MGST1: variants seen among roughly 807,000 people sequenced by gnomAD.
MGST1 encodes the protein microsomal glutathione S-transferase 1.
Under a neutral mutation model 8.9 loss-of-function variants are expected in MGST1, and 5 were observed. That is an observed-to-expected ratio of 0.56 (90% CI 0.29 to 1.19). The LOEUF (loss-of-function observed/expected upper bound fraction) is 1.19. MGST1 is among the 50% of genes most tolerant of loss of function. The pLI is 0.08. For missense variants in MGST1, 182 were observed against 187.4 expected (o/e 0.97, Z 0.17); for synonymous variants, 54 against 67.8 (o/e 0.80, Z 1.00).
chr12:16,402,665 T>G (rs1418251096), intron 1 of MGST1, among the ~76,000 whole-genome samples: 1 of 152,158 alleles, frequency 6.6e-6, no homozygotes, highest in African/African-American at 2.4e-5. Context: ...CTTATGTCCC[T>G]TATTAATACA....
chr12:16,364,497 C>G (rs913424317), downstream of MGST1: 4 of 606,264 alleles, frequency 6.6e-6, no homozygotes, highest in African/African-American at 2.0e-5. The surrounding 1 kb of genome is among the most constrained non-coding windows in gnomAD (Gnocchi z 5.7). Context: ...AAGAACCACT[C>G]TGTACCCTGC....
In MGST1 at chr12:16,559,810, AAATT is replaced by A. The variant is rs1942323618; in HGVS notation, n.483-29716_483-29713del. Reference sequence around the variant, plus strand: ...CTCTATAAAAAATGAAAAAAAAAAAAAATTAGCCAGGCATGGGAGTGCACACCTG... The same window carrying A: ...CTCTATAAAAAATGAAAAAAAAAAAAAGCCAGGCATGGGAGTGCACACCTG... On this transcript the variant is annotated intron_variant and non_coding_transcript_variant, in intron 4 of 4. Coordinates refer to the MGST1 transcript ENST00000538857. The surrounding 1 kb of genome is among the most constrained non-coding windows in gnomAD (Gnocchi z 4.1). Among the ~76,000 whole-genome samples, 1 of 151,696 alleles carries A rather than the reference AAATT, an allele frequency of 6.6e-6. No homozygotes were observed. The highest frequency in any genetic ancestry group is 1.5e-5 in the Non-Finnish European group (1 of 67,936).
downstream of MGST1, among the ~76,000 whole-genome samples, chr12:16,440,206 T>G (rs1294988098): frequency 6.6e-6 from 1 of 151,604 alleles, no homozygotes; most frequent in African/African-American, 2.4e-5. Flanking sequence ...ATTGCTTGTA[T>G]GCATGTGTAT....
intron 4 of MGST1, among the ~76,000 whole-genome samples, chr12:16,470,096 A>C (rs1941282289): frequency 6.6e-6 from 1 of 152,208 alleles, no homozygotes; most frequent in African/African-American, 2.4e-5. Context: ...TAAGTTTCAC[A>C]ATAGTTTACT....
chr12:16,520,971 G>A (rs1259560875), intron 4 of MGST1, among the ~76,000 whole-genome samples: 1 of 151,902 alleles, frequency 6.6e-6, no homozygotes, highest in East Asian at 1.9e-4. Context: ...CAATCCAATG[G>A]GTGTTGTCAT....
At chr12:16,453,178 AGT>A (rs1941143463) in intron 4 of MGST1, among the ~76,000 whole-genome samples, 2 of 151,980 alleles carry the variant, frequency 1.3e-5, no homozygotes, top group Non-Finnish European at 2.9e-5. Flanking sequence ...CTATGAGCTC[AGT>A]AAACCCATTT....
downstream of MGST1, among the ~76,000 whole-genome samples, chr12:16,443,129 T>A (rs1161550938): frequency 1.3e-5 from 2 of 151,870 alleles, no homozygotes; most frequent in Non-Finnish European, 2.9e-5. Flanking sequence ...CTTGTGCTAC[T>A]TCTTACTTTC....
At chr12:16,463,177 C>T (rs1216805628) in intron 4 of MGST1, among the ~76,000 whole-genome samples, 1 of 151,940 alleles carries the variant, frequency 6.6e-6, no homozygotes, top group South Asian at 2.1e-4. Context: ...CTTACCTTAC[C>T]CCAACACCTA....
rs1942162603 is a variant in MGST1 at position 16,555,591 on chromosome 12, G to A, written n.483-33937G>A. 6.6e-6 allele frequency among the ~76,000 whole-genome samples: 1 copy of A among 152,114 alleles called. No individual in the cohort carries two copies. The highest frequency in any genetic ancestry group is 1.5e-5 in the Non-Finnish European group (1 of 67,992). The stretch of plus-strand genomic sequence containing the variant: ...TATTTTAGATGACTAATTTAAATTT[G>A]TATTCATTTTGACTTTTATTTAATG... On this transcript the variant is annotated intron_variant and non_coding_transcript_variant, in intron 4 of 4. Coordinates refer to the MGST1 transcript ENST00000538857. This position sits in a 1 kb window ranked among gnomAD's most constrained non-coding sequence, Gnocchi z 5.5.
In MGST1 at chr12:16,555,063, T is replaced by TAAC. The variant is rs377401304; in HGVS notation, n.483-34464_483-34462dup. ...TTCCTCATCTGTCAAATGAAGCTAA[T>TAAC]AACTACCTATTTATGGGATATTTTG... is the stretch of plus-strand genomic sequence containing the variant. On this transcript the variant is annotated intron_variant and non_coding_transcript_variant, in intron 4 of 4. Transcript: ENST00000538857. The surrounding 1 kb of genome is among the most constrained non-coding windows in gnomAD (Gnocchi z 5.5). Among the ~76,000 whole-genome samples the TAAC allele has an allele frequency of 2.0e-5, 3 of 152,370 alleles. No individual in the cohort carries two copies. Among genetic ancestry groups the TAAC allele is most frequent in the African/African-American group, 7.2e-5 (3 of 41,590 alleles).
chr12:16,406,143 G>A (rs1049037081), intron 1 of MGST1, among the ~76,000 whole-genome samples: 9 of 152,186 alleles, frequency 5.9e-5, no homozygotes, highest in African/African-American at 1.7e-4. Context: ...TGCAGCTGAC[G>A]TAATTCTATA....
intron 4 of MGST1, among the ~76,000 whole-genome samples, chr12:16,542,401 G>A (rs148192657): frequency 1.3e-3 from 200 of 152,188 alleles, no homozygotes; most frequent in African/African-American, 4.2e-3. Context: ...TTTTGAAACC[G>A]GAATACAACT....
intron 4 of MGST1, among the ~76,000 whole-genome samples, chr12:16,489,151 A>G (rs953251695): frequency 9.9e-5 from 15 of 152,124 alleles, no homozygotes; most frequent in South Asian, 6.2e-4. Flanking sequence ...ATAGGTAAAT[A>G]CTTATTGAAC....
intron 4 of MGST1, among the ~76,000 whole-genome samples, chr12:16,471,289 C>T (rs1434942083): frequency 1.3e-5 from 2 of 152,242 alleles, no homozygotes; most frequent in Non-Finnish European, 2.9e-5. Context: ...AATGGAGAAC[C>T]GCAAAAATAT....
At chr12:16,485,251 T>C (rs1941392583) in intron 4 of MGST1, among the ~76,000 whole-genome samples, 1 of 152,214 alleles carries the variant, frequency 6.6e-6, no homozygotes, top group African/African-American at 2.4e-5. Context: ...CATCGAATGC[T>C]CGTTGTCTCA....
chr12:16,544,913 C>T lies in MGST1; in HGVS notation n.483-44615C>T, dbSNP rs1385896003. ...GGACAGCATAGCTAGTTCTTGTGCC[C>T]CAACCAAGGTTCATATCGTCAATAA... is the stretch of plus-strand genomic sequence containing the variant. On this transcript the variant is annotated intron_variant and non_coding_transcript_variant, in intron 4 of 4. Coordinates refer to the MGST1 transcript ENST00000538857. The surrounding 1 kb of genome is among the most constrained non-coding windows in gnomAD (Gnocchi z 4.8). 6.6e-6 allele frequency among the ~76,000 whole-genome samples: 1 copy of T among 151,918 alleles called. No individual in the cohort carries two copies. The highest frequency in any genetic ancestry group is 2.4e-5 in the African/African-American group (1 of 41,396).
chr12:16,590,161 C>A (rs1197806441), downstream of MGST1, among the ~76,000 whole-genome samples: 2 of 151,958 alleles, frequency 1.3e-5, no homozygotes, highest in Non-Finnish European at 2.9e-5. Flanking sequence ...ACATACAAAT[C>A]CCACTGTTAT....
At position 16,517,392 on chromosome 12, in the gene MGST1, G is replaced by A. The variant is rs899149014; in HGVS notation, n.483-72136G>A. On this transcript the variant is annotated intron_variant and non_coding_transcript_variant, in intron 4 of 4. Transcript: ENST00000538857. This position sits in a 1 kb window ranked among gnomAD's most constrained non-coding sequence, Gnocchi z 4.2. ...TGAATTTGTTATAAAAGTAAGTTTG[G>A]CTTCCTCTTGTTCTTTCTTTTGCCT... is the stretch of plus-strand genomic sequence containing the variant. Among the ~76,000 whole-genome samples the A allele has an allele frequency of 6.6e-6, 1 of 152,006 alleles. No homozygotes were observed. Among genetic ancestry groups the A allele is most frequent in the Non-Finnish European group, 1.5e-5 (1 of 68,004 alleles).
At chr12:16,387,151 T>G (rs1165252033) in intron 1 of MGST1, among the ~76,000 whole-genome samples, 1 of 152,212 alleles carries the variant, frequency 6.6e-6, no homozygotes. Flanking sequence ...TGTGCCTAAT[T>G]TATAAATTAA....
Sources: allele counts gnomAD v4.1 joint callset (sites outside exome capture counted in the v4.1 genomes callset), GRCh38; gene constraint gnomAD v4.1.1; non-coding constraint Gnocchi (gnomAD v3.1); transcripts MANE v1.5; gene names NCBI Gene and HGNC (gene_info 2026-07-23, HGNC 2026-07-21).